INPP5D: variants seen among roughly 807,000 people sequenced by gnomAD.
The protein encoded by INPP5D is inositol polyphosphate-5-phosphatase D, also known as phosphatidylinositol 3,4,5-trisphosphate 5-phosphatase 1.
INPP5D carries 33 observed loss-of-function variants against 122.9 expected under a neutral mutation model. That is an observed-to-expected ratio of 0.27 (90% CI 0.20 to 0.36). The LOEUF (loss-of-function observed/expected upper bound fraction) is 0.36, where lower values mean the gene tolerates loss of function less well. Ranked by LOEUF, INPP5D falls within the 10% of genes least tolerant of loss-of-function variation. The probability of loss-of-function intolerance (pLI) is 1.00; values close to 1 mark genes in which losing one functional copy is unlikely to be tolerated. For synonymous variants in INPP5D, 584 were observed against 576.2 expected (o/e 1.01, Z -0.19); for missense variants, 1,053 against 1,412.7 (o/e 0.75, Z 4.08).
intron 17 of INPP5D, chr2:233,171,359 A>G (rs1389480996): frequency 2.3e-5 from 14 of 614,730 alleles, no homozygotes; most frequent in Non-Finnish European, 3.3e-5. Flanking sequence ...AACCCTTGTG[A>G]TTTACCTTCT....
intron 3 of INPP5D, among the ~76,000 whole-genome samples, chr2:233,122,748 A>T (rs1185875493): frequency 6.6e-6 from 1 of 152,204 alleles, no homozygotes; most frequent in Non-Finnish European, 1.5e-5. Context: ...TCAAGGTTGC[A>T]GTGAGCCATG....
At chr2:233,161,689 G>A (rs1300213709) in intron 10 of INPP5D, 35 bp from the exon 11 acceptor site, 3 of 1,591,858 alleles carry the variant, frequency 1.9e-6, no homozygotes, top group South Asian at 1.1e-5. Flanking sequence ...GGGAGGCAGA[G>A]GCCTTTCTAA....
intron 2 of INPP5D, among the ~76,000 whole-genome samples, chr2:233,116,225 GTAGATAGA>G (rs1553575234): frequency 2.8e-4 from 38 of 133,912 alleles, no homozygotes; most frequent in Admixed American, 2.0e-3. Flanking sequence ...AGATATATAT[GTAGATAGA>G]TAGATAGATA....
intron 14 of INPP5D, chr2:233,169,792 C>T (rs1222940990): frequency 4.5e-6 from 3 of 668,754 alleles, no homozygotes; most frequent in Admixed American, 3.0e-5. Flanking sequence ...GATGCTGCTG[C>T]TCCTGGTCCC....
chr2:233,192,364 T>C (rs1392972980), intron 22 of INPP5D, among the ~76,000 whole-genome samples: 4 of 152,192 alleles, frequency 2.6e-5, no homozygotes, highest in African/African-American at 9.7e-5. Flanking sequence ...AAGCAGCATA[T>C]CATCAAAATA....
At chr2:233,110,904 G>A (rs569956562) in intron 2 of INPP5D, among the ~76,000 whole-genome samples, 75 of 150,284 alleles carry the variant, frequency 5.0e-4, no homozygotes, top group African/African-American at 1.8e-3. Flanking sequence ...CAGCCTGGGC[G>A]ACACAGCGAG....
At position 233,207,800 on chromosome 2, in the gene INPP5D, G is replaced by A. The variant is rs1574813467; in HGVS notation, c.*1092G>A. On this transcript the variant is annotated 3_prime_UTR_variant, in exon 27 of 27. Transcript: ENST00000445964. This position sits in a 1 kb window ranked among gnomAD's most constrained non-coding sequence, Gnocchi z 4.6. ...GCTTTTTCAACATAGCAGAATTAAT[G>A]TAGGGAGCTAAATCCAGTGGTGTGT... 6.6e-6 allele frequency: 1 copy of A among 152,360 alleles called. No individual in the cohort carries two copies. Among genetic ancestry groups the A allele is most frequent in the African/African-American group, 2.4e-5 (1 of 41,440 alleles). The allele number at this position is 152,360 out of a possible 1,614,324, so 9.4% of individuals were successfully genotyped here. A position where few individuals can be genotyped will look rare whatever the true frequency, so the allele number is the denominator to read the frequency against.
At position 233,198,184 on chromosome 2, in the gene INPP5D, A is replaced by G; in HGVS notation, c.2783A>G (p.His928Arg). 1 of 1,613,580 alleles carries G rather than the reference A, an allele frequency of 6.2e-7. No homozygotes were observed. The highest frequency in any genetic ancestry group is 8.5e-7 in the Non-Finnish European group (1 of 1,179,890). The change falls in exon 25 of 27, where the codon CAC (histidine) becomes CGC (arginine). Residue 928 changes from histidine to arginine, a missense_variant. Transcript: ENST00000445964. Reference protein sequence around the residue: ...VGPFGPPMPLHVKQTLSPDQQ... With the variant: ...VGPFGPPMPLRVKQTLSPDQQ... Reference sequence around the variant, plus strand: ...CCCTTTGGGCCACCAATGCCCCTGCACGTGAAGCAGACCTTGTCCCCTGAC... The same window carrying G: ...CCCTTTGGGCCACCAATGCCCCTGCGCGTGAAGCAGACCTTGTCCCCTGAC...
chr2:233,164,270 A>T lies in INPP5D; in HGVS notation c.1438-37A>T, dbSNP rs1305776523. The T allele has an allele frequency of 6.5e-7, 1 of 1,527,904 alleles. No homozygotes were observed. Among genetic ancestry groups the T allele is most frequent in the East Asian group, 2.5e-5 (1 of 40,764 alleles). 94.6% of individuals were successfully genotyped at this position (1,527,904 alleles called of 1,614,324 possible). ...CACTGTGCCCTGGTTCACACCCTAC[A>T]CTTGGGCCGAGTATTGCAACGTTGT... On this transcript the variant is annotated intron_variant, in intron 12 of 26. Coordinates refer to ENST00000445964, the MANE Select transcript of INPP5D (RefSeq NM_001017915.3). The surrounding 1 kb of genome is among the most constrained non-coding windows in gnomAD (Gnocchi z 4.3).
chr2:233,170,623 G>C lies in INPP5D; in HGVS notation c.1900+19G>C. ...CACTTCGGTAAGAGCAGCAACCCCG[G>C]CTGGGAGCGGTGGCTCACACCTGTA... On this transcript the variant is annotated intron_variant, in intron 16 of 26. Coordinates refer to ENST00000445964, the MANE Select transcript of INPP5D (RefSeq NM_001017915.3). The surrounding 1 kb of genome is among the most constrained non-coding windows in gnomAD (Gnocchi z 4.5). The C allele has an allele frequency of 1.2e-6, 2 of 1,611,006 alleles. No homozygotes were observed. The highest frequency in any genetic ancestry group is 1.7e-6 in the Non-Finnish European group (2 of 1,178,588).
At chr2:233,167,173 C>A (rs1694363906) in intron 13 of INPP5D, among the ~76,000 whole-genome samples, 3 of 147,080 alleles carry the variant, frequency 2.0e-5, no homozygotes, top group Admixed American at 6.8e-5. Context: ...GAGTTTGAGA[C>A]CAGCCTGGGC....
chr2:233,070,277 A>C (rs180910217), intron 1 of INPP5D, among the ~76,000 whole-genome samples: 2 of 152,034 alleles, frequency 1.3e-5, no homozygotes, highest in Admixed American at 1.3e-4. Context: ...GGGACTGTAA[A>C]TTTTTATATA....
chr2:233,095,042 A>G (rs1055089528), intron 2 of INPP5D, among the ~76,000 whole-genome samples: 6 of 152,210 alleles, frequency 3.9e-5, no homozygotes, highest in Admixed American at 1.3e-4. Context: ...CTAGGTTAGC[A>G]TTCAACCTAA....
At chr2:233,147,927 T>G (rs1337081331) in intron 9 of INPP5D, among the ~76,000 whole-genome samples, 1 of 152,242 alleles carries the variant, frequency 6.6e-6, no homozygotes, top group Non-Finnish European at 1.5e-5. Context: ...CTCTGCCACT[T>G]AGCAGCTGTG....
intron 23 of INPP5D, among the ~76,000 whole-genome samples, chr2:233,194,588 C>G (rs1695136614): frequency 7.0e-6 from 1 of 142,058 alleles, no homozygotes; most frequent in Non-Finnish European, 1.5e-5. Context: ...ACCTCCACTT[C>G]TGGGGTTCAA....
chr2:233,075,367 G>T (rs962890947), intron 1 of INPP5D, among the ~76,000 whole-genome samples: 2 of 152,204 alleles, frequency 1.3e-5, no homozygotes, highest in Non-Finnish European at 2.9e-5. Flanking sequence ...TCACCACAAA[G>T]AGCTGGGGAA....
intron 2 of INPP5D, among the ~76,000 whole-genome samples, chr2:233,114,074 T>C (rs1230279271): frequency 6.6e-6 from 1 of 152,174 alleles, no homozygotes; most frequent in African/African-American, 2.4e-5. Context: ...CACGCCCAGC[T>C]AATTTTTGTA....
At chr2:233,148,453 G>T (rs1016931329) in intron 9 of INPP5D, among the ~76,000 whole-genome samples, 1 of 152,208 alleles carries the variant, frequency 6.6e-6, no homozygotes, top group African/African-American at 2.4e-5. Flanking sequence ...GAAGCAACCA[G>T]TCGGGCAGGG....
chr2:233,198,033 G>A (rs1458979586), intron 24 of INPP5D, 62 bp from the exon 25 acceptor site: 8 of 1,472,328 alleles, frequency 5.4e-6, no homozygotes, highest in Middle Eastern at 4.3e-4. Flanking sequence ...CTTTCCTTGG[G>A]CTGGTGCTGA....
Sources: gnomAD v4.1 joint callset for allele counts (sites outside exome capture counted in the v4.1 genomes callset) on GRCh38, gnomAD v4.1.1 for gene constraint, Gnocchi (gnomAD v3.1) non-coding constraint, MANE v1.5 for transcripts, NCBI Gene and HGNC (gene_info 2026-07-23, HGNC 2026-07-21) for gene names.